The following EIF4G3 variants were observed in gnomAD, a reference collection of about 807,000 sequenced individuals.
EIF4G3 encodes eukaryotic translation initiation factor 4 gamma 3.
A neutral mutation model predicts 186.4 loss-of-function variants in EIF4G3; 34 were observed. That is an observed-to-expected ratio of 0.18 (90% CI 0.14 to 0.24). EIF4G3 has a LOEUF of 0.24. Ranked by LOEUF, EIF4G3 falls within the 10% of genes least tolerant of loss-of-function variation. The pLI is 1.00. For synonymous variants in EIF4G3, 673 were observed against 679.5 expected (o/e 0.99, Z 0.15); for missense variants, 1,536 against 1,948.5 (o/e 0.79, Z 3.99).
chr1:20,937,057 A>G (rs577187287), intron 14 of EIF4G3, among the ~76,000 whole-genome samples: 1 of 152,298 alleles, frequency 6.6e-6, no homozygotes, highest in South Asian at 2.1e-4. Flanking sequence ...ATGAATTTGT[A>G]TTTTTAACAC....
rs1368957156 is a variant in EIF4G3, at chr1:20,942,082, C to G, written c.1072G>C (p.Glu358Gln). ...GTGTCTTCTCTTGGGGATGAGAGTTCACATCTGTCATCTATAGCAGTGGTG... is the reference window on the plus strand; with the variant it reads ...GTGTCTTCTCTTGGGGATGAGAGTTGACATCTGTCATCTATAGCAGTGGTG... ...IFTTAIDDRC[E>Q]LSSPREDTIP... The change falls in exon 14 of 37, where the codon GAA becomes CAA. Residue 358 changes from glutamate to glutamine, a missense_variant. Glu to Gln is a conservative substitution (Grantham distance 29). Around this residue, in one of 11 missense-constraint regions of EIF4G3, gnomAD observed 560 missense variants for 547.8 expected, o/e 1.02. Transcript: ENST00000602326. 8 of 1,613,980 alleles carry G rather than the reference C, an allele frequency of 5.0e-6. No homozygotes were observed. Among genetic ancestry groups the G allele is most frequent in the Non-Finnish European group, 6.8e-6 (8 of 1,180,022 alleles).
intron 35 of EIF4G3, 47 bp downstream of exon 35, chr1:20,813,111 A>G: frequency 7.7e-7 from 1 of 1,297,188 alleles, no homozygotes; most frequent in South Asian, 1.2e-5. Context: ...TAGTTGACAT[A>G]ATGGGGATTT....
chr1:20,902,197 G>A (rs2090556226), intron 15 of EIF4G3, among the ~76,000 whole-genome samples: 1 of 151,810 alleles, frequency 6.6e-6, no homozygotes, highest in South Asian at 2.1e-4. Flanking sequence ...CTGAGTAGCT[G>A]GGATTACAGG....
intron 7 of EIF4G3, 135 bp downstream of exon 7, chr1:20,997,466 T>C (rs1173644074): frequency 1.5e-5 from 13 of 876,068 alleles, no homozygotes. Context: ...AAAGCTGAAT[T>C]ATATCAGATA....
At chr1:20,816,215 G>A (rs1180459397) in intron 34 of EIF4G3, among the ~76,000 whole-genome samples, 1 of 84,814 alleles carries the variant, frequency 1.2e-5, no homozygotes, top group Non-Finnish European at 2.5e-5. Flanking sequence ...CGCCCCGTCC[G>A]GGAGGGAGGT....
intron 7 of EIF4G3, among the ~76,000 whole-genome samples, chr1:20,994,966 A>C (rs1329297609): frequency 6.6e-6 from 1 of 152,112 alleles, no homozygotes; most frequent in Non-Finnish European, 1.5e-5. Context: ...AATAATCAAA[A>C]CTAGCCATAA....
intron 2 of EIF4G3, among the ~76,000 whole-genome samples, chr1:21,162,820 A>G (rs942404122): frequency 5.3e-5 from 8 of 152,168 alleles, no homozygotes; most frequent in Admixed American, 3.3e-4. Flanking sequence ...GGGGGTATCC[A>G]TATAATTTAC....
At chr1:20,845,516 G>T (rs908812277) in intron 29 of EIF4G3, among the ~76,000 whole-genome samples, 1 of 152,040 alleles carries the variant, frequency 6.6e-6, no homozygotes, top group African/African-American at 2.4e-5. Flanking sequence ...CAAAAAATTA[G>T]CCGGGCATGG....
In EIF4G3 at chr1:21,118,960, A is replaced by G. The variant is rs567007465; in HGVS notation, c.-271-29747T>C. On this transcript the variant is annotated intron_variant, in intron 2 of 36. Coordinates refer to ENST00000602326, the MANE Select transcript of EIF4G3 (RefSeq NM_001391906.1). Reference sequence around the variant, plus strand: ...AAAAAAAAAAAAAAAAAAAAAGAGAAGAAATTTTGATTTTCTTTTAAAAAT... The same window carrying G: ...AAAAAAAAAAAAAAAAAAAAAGAGAGGAAATTTTGATTTTCTTTTAAAAAT... 1.4e-3 allele frequency among the ~76,000 whole-genome samples: 217 copies of G among 150,564 alleles called. 3 individuals are homozygous for G. The highest frequency in any genetic ancestry group is 5.0e-3 in the African/African-American group (205 of 41,136).
chr1:21,092,713 T>C lies in EIF4G3; in HGVS notation c.-271-3500A>G, dbSNP rs569797535. Among the ~76,000 whole-genome samples the C allele has an allele frequency of 2.2e-3, 328 of 152,158 alleles. 2 individuals are homozygous for C. Among genetic ancestry groups the C allele is most frequent in the Non-Finnish European group, 3.8e-3 (260 of 67,984 alleles). On this transcript the variant is annotated intron_variant, in intron 2 of 36. Transcript: ENST00000602326. ...GACTTCAAACTATACTACAAGGCTA[T>C]AGTAACCAAAACAGCATGGTACTGG...
At chr1:21,024,593 C>G (rs1454753538) in intron 4 of EIF4G3, among the ~76,000 whole-genome samples, 1 of 149,772 alleles carries the variant, frequency 6.7e-6, no homozygotes, top group Non-Finnish European at 1.5e-5. Context: ...GACCTTACCC[C>G]CAACCCTGTG....
chr1:20,898,279 C>T (rs2089063142), intron 16 of EIF4G3, among the ~76,000 whole-genome samples: 3 of 152,030 alleles, frequency 2.0e-5, no homozygotes, highest in African/African-American at 7.2e-5. Flanking sequence ...TGCTTGAGCA[C>T]AAGAGTTTGA....
chr1:20,922,815 G>A (rs1222099812), intron 14 of EIF4G3, among the ~76,000 whole-genome samples: 1 of 152,194 alleles, frequency 6.6e-6, no homozygotes, highest in East Asian at 1.9e-4. Context: ...GTTCTTTGAG[G>A]ATAAGGATTG....
chr1:20,883,716 T>C, intron 19 of EIF4G3, among the ~76,000 whole-genome samples: 1 of 151,952 alleles, frequency 6.6e-6, no homozygotes, highest in East Asian at 1.9e-4. Context: ...AAAGTAGATA[T>C]TTTATGAAGG....
intron 7 of EIF4G3, among the ~76,000 whole-genome samples, chr1:20,986,662 T>C (rs574959244): frequency 1.5e-5 from 2 of 135,218 alleles, no homozygotes; most frequent in African/African-American, 5.6e-5. Flanking sequence ...AGCAGGAGAA[T>C]GGCGTGAACC....
intron 4 of EIF4G3, among the ~76,000 whole-genome samples, chr1:21,037,519 A>G (rs1160940459): frequency 6.6e-6 from 1 of 152,188 alleles, no homozygotes; most frequent in Non-Finnish European, 1.5e-5. Flanking sequence ...ATTACATAGT[A>G]CCTGGCAGGG....
At chr1:21,149,422 A>G (rs1286643655) in intron 2 of EIF4G3, among the ~76,000 whole-genome samples, 1 of 152,096 alleles carries the variant, frequency 6.6e-6, no homozygotes, top group East Asian at 1.9e-4. Context: ...TCAAGCAAAA[A>G]AGCCTTTTCT....
chr1:21,103,731 C>T (rs1048014167), intron 2 of EIF4G3, among the ~76,000 whole-genome samples: 4 of 152,088 alleles, frequency 2.6e-5, no homozygotes, highest in Admixed American at 2.6e-4. Context: ...GTAGTCCCAG[C>T]TACTTGGGAG....
intron 10 of EIF4G3, among the ~76,000 whole-genome samples, chr1:20,973,461 G>C (rs755436441): frequency 3.9e-5 from 6 of 152,316 alleles, no homozygotes; most frequent in Middle Eastern, 3.4e-3. Flanking sequence ...ACACAAGGGT[G>C]TATGTGTATG....
Sources: allele counts gnomAD v4.1 joint callset (sites outside exome capture counted in the v4.1 genomes callset), GRCh38; gene constraint gnomAD v4.1.1; regional missense constraint gnomAD v4.1.1; transcripts MANE v1.5; gene names NCBI Gene and HGNC (gene_info 2026-07-23, HGNC 2026-07-21).